LRRC28: variants seen among roughly 807,000 people sequenced by gnomAD.
LRRC28 encodes leucine rich repeat containing 28, also known as leucine-rich repeat-containing protein 28.
Under a neutral mutation model 45.7 loss-of-function variants are expected in LRRC28, and 39 were observed. The ratio of observed to expected loss-of-function variants is 0.85; its 90% CI spans 0.66 to 1.12. The LOEUF (loss-of-function observed/expected upper bound fraction) is 1.12, where lower values mean the gene tolerates loss of function less well. Ranked by LOEUF, LRRC28 falls within the 50% of genes most tolerant of loss-of-function variation. The pLI, the probability that LRRC28 is intolerant of heterozygous loss-of-function variation, is 0.00. For synonymous variants in LRRC28, 206 were observed against 178.8 expected (o/e 1.15, Z -1.22); for missense variants, 435 against 438.5 (o/e 0.99, Z 0.07).
chr15:99,254,004 T>C lies in LRRC28; in HGVS notation c.-60-1894T>C, dbSNP rs147546408. Reference sequence around the variant, plus strand: ...ATGGGAAAAACTGTGGAGATTCGGATTGATGATGAAAATGGAAAGCTCTTT... The same window carrying C: ...ATGGGAAAAACTGTGGAGATTCGGACTGATGATGAAAATGGAAAGCTCTTT... On this transcript the variant is annotated intron_variant, in intron 1 of 9. Transcript: ENST00000301981. 5.5e-3 allele frequency among the ~76,000 whole-genome samples: 832 copies of C among 152,302 alleles called. 9 individuals are homozygous for C. Among genetic ancestry groups the C allele is most frequent in the African/African-American group, 0.019 (775 of 41,560 alleles).
chr15:99,276,239 A>G (rs2081613521), intron 2 of LRRC28, among the ~76,000 whole-genome samples: 1 of 152,058 alleles, frequency 6.6e-6, no homozygotes, highest in African/African-American at 2.4e-5. Context: ...ATAATAATAG[A>G]AATAAAGTGC....
chr15:99,252,598 A>G (rs1337363340), intron 1 of LRRC28, among the ~76,000 whole-genome samples: 1 of 152,210 alleles, frequency 6.6e-6, no homozygotes, highest in Non-Finnish European at 1.5e-5. Context: ...TTCCTCCTCT[A>G]CAAAACGGGC....
chr15:99,370,402 G>A (rs866473554), intron 9 of LRRC28, among the ~76,000 whole-genome samples: 28 of 151,840 alleles, frequency 1.8e-4, no homozygotes, highest in African/African-American at 5.6e-4. Flanking sequence ...ACATGCACAC[G>A]TGTGTGTGTG....
chr15:99,257,886 A>G (rs910236418), intron 2 of LRRC28: 1 of 773,910 alleles, frequency 1.3e-6, no homozygotes, highest in African/African-American at 1.7e-5. Context: ...TAACAGAATG[A>G]TGAAACTTAT....
chr15:99,336,267 G>T (rs1345126472), intron 6 of LRRC28, among the ~76,000 whole-genome samples: 2 of 152,054 alleles, frequency 1.3e-5, no homozygotes, highest in Non-Finnish European at 2.9e-5. Flanking sequence ...AAAGTTATTG[G>T]CAACCTAATT....
At chr15:99,385,201 T>C (rs12050904) in intron 9 of LRRC28, among the ~76,000 whole-genome samples, 24,855 of 152,150 alleles carry the variant, frequency 0.16, 2,347 homozygotes, top group East Asian at 0.31. Context: ...TGCTGGTGCC[T>C]CCTGCTGGTG....
chr15:99,381,171 A>T (rs1027834414), intron 9 of LRRC28, among the ~76,000 whole-genome samples: 1 of 152,144 alleles, frequency 6.6e-6, no homozygotes, highest in Non-Finnish European at 1.5e-5. Context: ...AAGTATACCA[A>T]TCAGACGTAG....
chr15:99,334,328 A>G (rs1208546712), intron 6 of LRRC28, among the ~76,000 whole-genome samples, 199 bp downstream of exon 6: 2 of 152,148 alleles, frequency 1.3e-5, no homozygotes, highest in African/African-American at 4.8e-5. Context: ...TATACTTTAA[A>G]AAAGAAATCT....
At chr15:99,255,161 A>G (rs541302999) in intron 1 of LRRC28, among the ~76,000 whole-genome samples, 2 of 151,870 alleles carry the variant, frequency 1.3e-5, no homozygotes, top group African/African-American at 2.4e-5. Flanking sequence ...ATTTGAGACT[A>G]GCCTGGGCAA....
chr15:99,274,598 T>A (rs1185486600), intron 2 of LRRC28, among the ~76,000 whole-genome samples: 1 of 152,222 alleles, frequency 6.6e-6, no homozygotes, highest in Non-Finnish European at 1.5e-5. Flanking sequence ...ATTTTTTCAA[T>A]TATAAAAGAC....
intron 5 of LRRC28, among the ~76,000 whole-genome samples, chr15:99,316,965 G>A (rs1167183818): frequency 1.3e-5 from 2 of 151,058 alleles, no homozygotes; most frequent in South Asian, 2.1e-4. Flanking sequence ...GCCTCCAAAA[G>A]TGCTGGGATA....
chr15:99,280,837 C>T (rs922289051), intron 3 of LRRC28, among the ~76,000 whole-genome samples: 25 of 152,002 alleles, frequency 1.6e-4, no homozygotes, highest in Admixed American at 1.1e-3. Flanking sequence ...GGAACTCTTA[C>T]CTGTTTGTTA....
intron 2 of LRRC28, chr15:99,258,330 G>A (rs1056874872): frequency 4.8e-6 from 7 of 1,457,176 alleles, no homozygotes; most frequent in Non-Finnish European, 6.8e-6. Context: ...GCTGACCCAA[G>A]AGGAAACACT....
chr15:99,318,336 TAATA>T (rs982038364), intron 5 of LRRC28, among the ~76,000 whole-genome samples: 6 of 152,116 alleles, frequency 3.9e-5, no homozygotes, highest in African/African-American at 1.2e-4. Flanking sequence ...TAAATACAAC[TAATA>T]AATAAAAATA....
intron 9 of LRRC28, among the ~76,000 whole-genome samples, chr15:99,379,738 G>A (rs925765783): frequency 2.0e-5 from 3 of 152,120 alleles, no homozygotes; most frequent in Admixed American, 1.3e-4. Flanking sequence ...CTGGTATGTT[G>A]TGTCTTTGTT....
intron 2 of LRRC28, among the ~76,000 whole-genome samples, chr15:99,269,593 G>A (rs1025852171): frequency 6.6e-6 from 1 of 152,022 alleles, no homozygotes; most frequent in Non-Finnish European, 1.5e-5. Flanking sequence ...TAGTAGAGAC[G>A]GGTTTCACCA....
chr15:99,287,400 A>G, intron 4 of LRRC28, 106 bp downstream of exon 4: 1 of 838,134 alleles, frequency 1.2e-6, no homozygotes. Context: ...TTTAGCTTCA[A>G]AACTTTTTTC....
At chr15:99,282,816 T>C (rs563935492) in intron 3 of LRRC28, among the ~76,000 whole-genome samples, 17 of 152,376 alleles carry the variant, frequency 1.1e-4, no homozygotes, top group African/African-American at 4.1e-4. Flanking sequence ...TCTTGTTGTT[T>C]AGAACAGTTG....
At chr15:99,283,476 T>C (rs1324052975) in intron 3 of LRRC28, among the ~76,000 whole-genome samples, 1 of 149,890 alleles carries the variant, frequency 6.7e-6, no homozygotes, top group East Asian at 2.0e-4. Flanking sequence ...ATTAGCCGGG[T>C]GTGGTGGTGC....
Sources: gnomAD v4.1 joint callset for allele counts (sites outside exome capture counted in the v4.1 genomes callset) on GRCh38, gnomAD v4.1.1 for gene constraint, MANE v1.5 for transcripts, NCBI Gene and HGNC (gene_info 2026-07-23, HGNC 2026-07-21) for gene names.